ANKRD45: variants seen among roughly 807,000 people sequenced by gnomAD.
ANKRD45 encodes ankyrin repeat domain 45, also known as ankyrin repeat domain-containing protein 45.
In ANKRD45, 21 loss-of-function variants were observed where a neutral mutation model predicts 28.1. The observed-to-expected ratio is 0.75, with a 90% confidence interval of 0.53 to 1.08. The LOEUF (loss-of-function observed/expected upper bound fraction) is 1.08. Ranked by LOEUF, ANKRD45 falls within the 50% of genes least tolerant of loss-of-function variation. ANKRD45 has a pLI of 0.00. For synonymous variants in ANKRD45, 86 were observed against 103.9 expected (o/e 0.83, Z 1.05); for missense variants, 261 against 308.7 (o/e 0.85, Z 1.16).
At chr1:173,661,132 C>T (rs1261445087) in intron 1 of ANKRD45, among the ~76,000 whole-genome samples, 1 of 151,672 alleles carries the variant, frequency 6.6e-6, no homozygotes, top group African/African-American at 2.4e-5. Context: ...GATGCAGTAA[C>T]ACTACACAGA....
In ANKRD45 at chr1:173,610,084, G is replaced by T; in HGVS notation, c.*61C>A. ...ACATCTGTTTTCTCGATTTCAAATG[G>T]CATGAATAGGTTTGCCTTTCAGATA... On this transcript the variant is annotated 3_prime_UTR_variant, in exon 6 of 6. Coordinates refer to ENST00000333279, the MANE Select transcript of ANKRD45 (RefSeq NM_198493.3). 6.8e-7 allele frequency: 1 copy of T among 1,478,672 alleles called. No homozygotes were observed. Among genetic ancestry groups the T allele is most frequent in the Non-Finnish European group, 9.4e-7 (1 of 1,063,886 alleles). 91.6% of individuals were successfully genotyped at this position (1,478,672 alleles called of 1,614,324 possible).
At chr1:173,636,403 T>C (rs1341045204) in intron 3 of ANKRD45, among the ~76,000 whole-genome samples, 1 of 152,182 alleles carries the variant, frequency 6.6e-6, no homozygotes, top group Non-Finnish European at 1.5e-5. Context: ...TAAAAGCTCT[T>C]TGATCAAAAA....
At chr1:173,633,871 A>G (rs757682520) in intron 3 of ANKRD45, among the ~76,000 whole-genome samples, 3 of 152,110 alleles carry the variant, frequency 2.0e-5, no homozygotes, top group African/African-American at 7.2e-5. Context: ...ATAAGACCTC[A>G]AACTATGAAA....
the ANKRD45 span, chr1:173,714,971 T>C: frequency 3.3e-5 from 5 of 152,768 alleles, no homozygotes; most frequent in Non-Finnish European, 7.3e-5. Flanking sequence ...GAAATAGCTC[T>C]ACGAGCGGCA....
At chr1:173,615,221 C>T (rs771271734) in intron 5 of ANKRD45, among the ~76,000 whole-genome samples, 1 of 151,722 alleles carries the variant, frequency 6.6e-6, no homozygotes, top group Non-Finnish European at 1.5e-5. Context: ...CCCATCTCTA[C>T]TAAAAATGCA....
chr1:173,649,820 A>C, intron 2 of ANKRD45, among the ~76,000 whole-genome samples: 1 of 152,144 alleles, frequency 6.6e-6, no homozygotes, highest in East Asian at 1.9e-4. Context: ...GTATGGTACA[A>C]AGTAGGTATA....
At chr1:173,629,156 G>T (rs937846150) in intron 3 of ANKRD45, among the ~76,000 whole-genome samples, 28 of 152,150 alleles carry the variant, frequency 1.8e-4, no homozygotes, top group African/African-American at 6.0e-4. Context: ...CTTCAAATAC[G>T]TAGAAAGCCT....
the ANKRD45 span, among the ~76,000 whole-genome samples, chr1:173,692,942 G>C: frequency 6.6e-6 from 1 of 152,080 alleles, no homozygotes; most frequent in Non-Finnish European, 1.5e-5. Flanking sequence ...CAACATGATA[G>C]TGACAGCCCT....
chr1:173,643,092 A>G (rs1421571869), intron 3 of ANKRD45, among the ~76,000 whole-genome samples: 3 of 151,950 alleles, frequency 2.0e-5, no homozygotes, highest in African/African-American at 4.8e-5. Flanking sequence ...GTTAGATTAT[A>G]TATAGAATAG....
At chr1:173,628,382 C>T (rs1668033538) in intron 3 of ANKRD45, among the ~76,000 whole-genome samples, 1 of 152,020 alleles carries the variant, frequency 6.6e-6, no homozygotes, top group African/African-American at 2.4e-5. Context: ...TGGGCCTGGC[C>T]TGGACCAGAG....
rs1275837453 is a variant in ANKRD45, at chr1:173,609,968, A to G, written c.*177T>C. 17 of 626,192 alleles carry G rather than the reference A, an allele frequency of 2.7e-5. No homozygotes were observed. The highest frequency in any genetic ancestry group is 3.9e-5 in the Non-Finnish European group (14 of 358,290). The allele number at this position is 626,192 out of a possible 1,614,324, so 38.8% of individuals were successfully genotyped here. ...CATGGGGCTGTGCTTGGAGGAGCAG[A>G]GGCGAGGCCAGAGTCCGGACATAAG... On this transcript the variant is annotated 3_prime_UTR_variant, in exon 6 of 6. Coordinates refer to ENST00000333279, the MANE Select transcript of ANKRD45 (RefSeq NM_198493.3).
At position 173,646,097 on chromosome 1, in the gene ANKRD45, A is replaced by C. The variant is rs1668908657; in HGVS notation, c.496+749T>G. Among the ~76,000 whole-genome samples, 3 of 152,264 alleles carry C rather than the reference A, an allele frequency of 2.0e-5. No homozygotes were observed. The South Asian group carries it at 6.2e-4, about 31-fold the overall frequency. ...GATAACCATGCAAAATAAATGCTGT[A>C]AACTTCATAAATACTAGCTTAGTTA... is the stretch of plus-strand genomic sequence containing the variant. On this transcript the variant is annotated intron_variant, in intron 3 of 5. Transcript: ENST00000333279.
intron 3 of ANKRD45, among the ~76,000 whole-genome samples, chr1:173,642,940 G>A (rs73033104): frequency 0.027 from 4,135 of 152,230 alleles, 198 homozygotes; most frequent in African/African-American, 0.095. Flanking sequence ...GACTGCTAGC[G>A]AGCAGCAACC....
the ANKRD45 span, among the ~76,000 whole-genome samples, chr1:173,700,955 A>G: frequency 6.6e-6 from 1 of 152,214 alleles, no homozygotes; most frequent in Non-Finnish European, 1.5e-5. Context: ...GAATCTACAA[A>G]GAACTTATAC....
At chr1:173,684,897 T>C in the ANKRD45 span, among the ~76,000 whole-genome samples, 1 of 152,238 alleles carries the variant, frequency 6.6e-6, no homozygotes, top group Admixed American at 6.5e-5. Flanking sequence ...TCTACATTTT[T>C]ATTAATTGTC....
rs1054007255 is a variant in ANKRD45, at chr1:173,608,762, G to A, written c.*1383C>T. Among the ~76,000 whole-genome samples, 1 of 147,704 alleles carries A rather than the reference G, an allele frequency of 6.8e-6. No homozygotes were observed. The highest frequency in any genetic ancestry group is 2.0e-4 in the East Asian group (1 of 5,044). ...AGGCAGACCCTGTCAAGAAGGTTGC[G>A]GGGGTGGAGAGAGAGAGAGAGATAA... On this transcript the variant is annotated 3_prime_UTR_variant, in exon 6 of 6. Coordinates refer to ENST00000333279, the MANE Select transcript of ANKRD45 (RefSeq NM_198493.3).
intron 2 of ANKRD45, among the ~76,000 whole-genome samples, chr1:173,655,859 A>T (rs1669481244): frequency 6.6e-6 from 1 of 152,150 alleles, no homozygotes; most frequent in African/African-American, 2.4e-5. Flanking sequence ...TCAATCTCAG[A>T]CTGATGTGCT....
chr1:173,689,955 G>T, the ANKRD45 span, among the ~76,000 whole-genome samples: 1 of 151,278 alleles, frequency 6.6e-6, no homozygotes, highest in Non-Finnish European at 1.5e-5. Context: ...GTATAACTGA[G>T]GTCCTAAGAA....
the ANKRD45 span, among the ~76,000 whole-genome samples, chr1:173,678,297 C>T: frequency 3.1e-4 from 47 of 152,174 alleles, no homozygotes; most frequent in African/African-American, 9.9e-4. Flanking sequence ...TGATGAACAT[C>T]GATGCAAAAA....
Sources: allele counts gnomAD v4.1 joint callset (sites outside exome capture counted in the v4.1 genomes callset), GRCh38; gene constraint gnomAD v4.1.1; transcripts MANE v1.5; gene names NCBI Gene and HGNC (gene_info 2026-07-23, HGNC 2026-07-21).